CABIN1: variants seen among roughly 807,000 people sequenced by gnomAD.
The protein encoded by CABIN1 is calcineurin-binding protein cabin-1.
In CABIN1, 133 loss-of-function variants were observed where a neutral mutation model predicts 227.7. The observed-to-expected ratio is 0.58, with a 90% CI of 0.51 to 0.67. CABIN1 has a LOEUF of 0.67. Ranked by LOEUF, CABIN1 falls within the 30% of genes least tolerant of loss-of-function variation. CABIN1 has a pLI of 0.00. For synonymous variants in CABIN1, 1,086 were observed against 1,155.1 expected (o/e 0.94, Z 1.21); for missense variants, 2,408 against 2,852.5 (o/e 0.84, Z 3.55).
intron 24 of CABIN1, 92 bp from the exon 25 acceptor site, chr22:24,095,839 T>C (rs2041859925): frequency 3.6e-6 from 5 of 1,405,624 alleles, no homozygotes; most frequent in Admixed American, 3.3e-5. Context: ...GTTGCCCTGG[T>C]CATGGGCCCA....
In CABIN1 at chr22:24,083,221, A is replaced by T; in HGVS notation, c.2749-7A>T. 1 of 1,612,070 alleles carries T rather than the reference A, an allele frequency of 6.2e-7. No individual in the cohort carries two copies. Among genetic ancestry groups the T allele is most frequent in the Non-Finnish European group, 8.5e-7 (1 of 1,179,936 alleles). On this transcript the variant is annotated splice_region_variant and splice_polypyrimidine_tract_variant and intron_variant, in intron 19 of 36. Transcript: ENST00000263119. ...TCACCTCAGGCCATCTCTTCTGCCC[A>T]CCACAGGTGCGAGTACTCCAGAAGG...
chr22:24,171,872 G>T lies in CABIN1; in HGVS notation c.5917G>T (p.Ala1973Ser), dbSNP rs143452271. The T allele has an allele frequency of 6.2e-7, 1 of 1,614,078 alleles. No individual in the cohort carries two copies. Among genetic ancestry groups the T allele is most frequent in the Non-Finnish European group, 8.5e-7 (1 of 1,180,034 alleles). The change falls in exon 34 of 37, where the codon GCC becomes TCC. Residue 1973 changes from alanine (A) to serine (S), a missense_variant. Around this residue, in one of 3 missense-constraint regions of CABIN1, gnomAD observed 714 missense variants for 773.8 expected, o/e 0.92. Transcript: ENST00000263119. ...CAAGCCTCGCCCTGCACTAGCTGCC[G>T]CCACAACTATTATCACCTGCCCTCC... ...HTKPRPALAA[A>S]TTIITCPPSA...
intron 3 of CABIN1, among the ~76,000 whole-genome samples, chr22:24,037,259 C>CAAAAAAAA (rs71184942): frequency 1.9e-5 from 1 of 52,632 alleles, no homozygotes; most frequent in Non-Finnish European, 3.9e-5. Context: ...GACCCCGTCT[C>CAAAAAAAA]AAAAAAAAAA....
rs570215684 is a variant in CABIN1 at position 24,177,432 on chromosome 22, G to T, written c.6206-72G>T. 1.4e-5 allele frequency: 19 copies of T among 1,319,616 alleles called. No homozygotes were observed. The African/African-American group carries it at 2.5e-4, about 17-fold the overall frequency. The allele number at this position is 1,319,616 out of a possible 1,614,324, so 81.7% of individuals were successfully genotyped here. A position where few individuals can be genotyped will look rare whatever the true frequency, so the allele number is the denominator to read the frequency against. On this transcript the variant is annotated intron_variant, in intron 35 of 36. Transcript: ENST00000263119. This position sits in a 1 kb window ranked among gnomAD's most constrained non-coding sequence, Gnocchi z 4.4. ...AAGGCCCAGGACCTGGGGGGAGCGG[G>T]TGGGGGCGAGATAAAGTGCTCACTG... is the stretch of plus-strand genomic sequence containing the variant.
intron 29 of CABIN1, among the ~76,000 whole-genome samples, chr22:24,150,497 A>G (rs2045416614): frequency 6.6e-6 from 1 of 152,210 alleles, no homozygotes; most frequent in East Asian, 1.9e-4. Context: ...TGCCACCACC[A>G]TCAGCAGGCC....
At chr22:24,046,551 C>T (rs2037898450) in intron 6 of CABIN1, among the ~76,000 whole-genome samples, 1 of 152,096 alleles carries the variant, frequency 6.6e-6, no homozygotes, top group Admixed American at 6.6e-5. Context: ...CTTTGCACCC[C>T]TCTCTCATTG....
chr22:24,156,399 G>A (rs1289189128), intron 29 of CABIN1: 1 of 271,614 alleles, frequency 3.7e-6, no homozygotes, highest in East Asian at 6.6e-5. Flanking sequence ...GGCGGCGCGC[G>A]GGGGCGGCAG....
intron 26 of CABIN1, among the ~76,000 whole-genome samples, chr22:24,106,398 G>A (rs1048493220): frequency 2.0e-5 from 3 of 152,224 alleles, no homozygotes; most frequent in East Asian, 3.8e-4. Context: ...GCCTCCCAGA[G>A]CAGGGGCTTC....
intron 29 of CABIN1, among the ~76,000 whole-genome samples, chr22:24,140,151 G>A (rs1361789327): frequency 1.3e-5 from 2 of 152,224 alleles, no homozygotes; most frequent in African/African-American, 2.4e-5. Context: ...TTCCTGGGGA[G>A]TTTAAGGGAC....
intron 9 of CABIN1, among the ~76,000 whole-genome samples, chr22:24,055,717 A>C (rs780318583): frequency 7.7e-4 from 117 of 152,364 alleles, no homozygotes; most frequent in Non-Finnish European, 1.4e-3. Flanking sequence ...GAAGTTTCTG[A>C]ATAAACATGT....
At chr22:24,031,624 G>C (rs1046498559) in intron 1 of CABIN1, among the ~76,000 whole-genome samples, 1 of 152,222 alleles carries the variant, frequency 6.6e-6, no homozygotes, top group African/African-American at 2.4e-5. Context: ...AGTTCAGACG[G>C]AGGCTATGTG....
At chr22:24,067,308 A>T in intron 16 of CABIN1, 127 bp downstream of exon 16, 1 of 961,756 alleles carries the variant, frequency 1.0e-6, no homozygotes, top group Non-Finnish European at 1.6e-6. Context: ...TGTCAAAACC[A>T]CTAAGCCCCC....
intron 18 of CABIN1, among the ~76,000 whole-genome samples, chr22:24,074,103 A>G (rs2040275718): frequency 6.6e-6 from 1 of 152,110 alleles, no homozygotes; most frequent in Admixed American, 6.6e-5. Context: ...GTTCTCCAAA[A>G]GGATTTTAGT....
rs1201342773 is a variant in CABIN1, at chr22:24,171,919, G to A, written c.5964G>A (p.Leu1988=). 1.9e-6 allele frequency: 3 copies of A among 1,613,976 alleles called. No homozygotes were observed. Among genetic ancestry groups the A allele is most frequent in the Non-Finnish European group, 1.7e-6 (2 of 1,180,040 alleles). Residue 1988 remains leucine (L), a synonymous_variant, in exon 34 of 37, where the codon CTG becomes CTA. Coordinates refer to ENST00000263119, the MANE Select transcript of CABIN1 (RefSeq NM_012295.4). ...TCPPSASAST[L]DQSKDPGPPR... is the part of the protein sequence containing the mutation. ...CTCCGTCAGCATCAGCTTCCACCCT[G>A]GACCAGTCCAAGGACCCTGGGCCTC...
intron 13 of CABIN1, 95 bp downstream of exon 13, chr22:24,062,120 C>T (rs1601851490): frequency 9.8e-7 from 1 of 1,024,998 alleles, no homozygotes; most frequent in African/African-American, 1.6e-5. Flanking sequence ...TGGAATTTAG[C>T]CTTATATCTA....
chr22:24,034,703 A>G (rs1225212384), intron 1 of CABIN1, among the ~76,000 whole-genome samples: 1 of 152,248 alleles, frequency 6.6e-6, no homozygotes, highest in Non-Finnish European at 1.5e-5. Context: ...CAAGGGTTGC[A>G]CCAGTTTACA....
chr22:24,060,156 C>G lies in CABIN1; in HGVS notation c.1617+15C>G, dbSNP rs1197388702. On this transcript the variant is annotated intron_variant, in intron 12 of 36. Transcript: ENST00000263119. ...AGCACATCAAGGTTAGGGGGAGCCT[C>G]TCAAGGGCTGGTATTGAACTGGGAC... 2 of 1,610,204 alleles carry G rather than the reference C, an allele frequency of 1.2e-6. No homozygotes were observed. Among genetic ancestry groups the G allele is most frequent in the Non-Finnish European group, 1.7e-6 (2 of 1,178,154 alleles).
At chr22:24,109,156 G>C (rs928035756) in intron 26 of CABIN1, among the ~76,000 whole-genome samples, 2 of 151,576 alleles carry the variant, frequency 1.3e-5, no homozygotes, top group Non-Finnish European at 2.9e-5. Flanking sequence ...CAGAATTTCA[G>C]TTCTATCAGC....
At chr22:24,170,427 G>A (rs572535230) in intron 33 of CABIN1, among the ~76,000 whole-genome samples, 9 of 152,204 alleles carry the variant, frequency 5.9e-5, no homozygotes, top group Non-Finnish European at 7.4e-5. Context: ...GCTGAGGCCC[G>A]CTCCTGAGCG....
Sources: allele counts gnomAD v4.1 joint callset (sites outside exome capture counted in the v4.1 genomes callset), GRCh38; gene constraint gnomAD v4.1.1; regional missense constraint gnomAD v4.1.1; non-coding constraint Gnocchi (gnomAD v3.1); transcripts MANE v1.5; gene names NCBI Gene and HGNC (gene_info 2026-07-23, HGNC 2026-07-21).